TPD52L2: variants seen among roughly 807,000 people sequenced by gnomAD.
The protein encoded by TPD52L2 is tumor protein D54.
In TPD52L2, 19 loss-of-function variants were observed where a neutral mutation model predicts 24.7. That is an observed-to-expected ratio of 0.77 (90% CI 0.54 to 1.13). TPD52L2 has a LOEUF of 1.13. TPD52L2 is among the 50% of genes most tolerant of loss of function. TPD52L2 has a pLI of 0.00. For missense variants in TPD52L2, 236 were observed against 250.4 expected (o/e 0.94, Z 0.39); for synonymous variants, 104 against 100.2 (o/e 1.04, Z -0.23).
In TPD52L2 at chr20:63,870,959, ACCCACCTTGGCCT is replaced by A. The variant is rs1047825160; in HGVS notation, c.165+1523_165+1535del. Among the ~76,000 whole-genome samples the A allele has an allele frequency of 1.1e-4, 16 of 150,324 alleles. No individual in the cohort carries two copies. The East Asian group carries it at 2.9e-3, about 28-fold the overall frequency. On this transcript the variant is annotated intron_variant, in intron 2 of 6. Coordinates refer to ENST00000346249, the MANE Select transcript of TPD52L2 (RefSeq NM_003288.4). ...TCTCAAACTCCTGATCTTGTGATCCACCCACCTTGGCCTCCCAGAGTGCTGGGATTACAGGTGT... is the reference window on the plus strand; with the variant it reads ...TCTCAAACTCCTGATCTTGTGATCCACCCAGAGTGCTGGGATTACAGGTGT...
In TPD52L2 at chr20:63,882,448, C is replaced by T. The variant is rs942209237; in HGVS notation, c.375-271C>T. Reference sequence around the variant, plus strand: ...ATTGGGTTGTGAGATGAGAAAGCAGCGTCATTGCAGGGCTGGGGGGCCGAG... The same window carrying T: ...ATTGGGTTGTGAGATGAGAAAGCAGTGTCATTGCAGGGCTGGGGGGCCGAG... On this transcript the variant is annotated intron_variant, in intron 4 of 6. Transcript: ENST00000346249. Among the ~76,000 whole-genome samples the T allele has an allele frequency of 3.3e-5, 5 of 152,216 alleles. No individual in the cohort carries two copies. The East Asian group carries it at 7.7e-4, about 23-fold the overall frequency.
intron 6 of TPD52L2, 22 bp from the exon 7 acceptor site, chr20:63,889,828 C>G: frequency 2.5e-6 from 4 of 1,609,170 alleles, no homozygotes; most frequent in Non-Finnish European, 3.4e-6. Flanking sequence ...GTTTTTCTGT[C>G]TTCATCTTTT....
chr20:63,872,270 G>C (rs1015905401), intron 2 of TPD52L2, among the ~76,000 whole-genome samples: 2 of 152,064 alleles, frequency 1.3e-5, no homozygotes, highest in African/African-American at 4.8e-5. Flanking sequence ...CCTCCTCTCT[G>C]CATATGGAAT....
In TPD52L2 at chr20:63,869,360, C is replaced by T. The variant is rs2052377146; in HGVS notation, c.84C>T (p.Asp28=). 2 of 1,614,108 alleles carry T rather than the reference C, an allele frequency of 1.2e-6. No homozygotes were observed. Among genetic ancestry groups the T allele is most frequent in the African/African-American group, 1.3e-5 (1 of 74,938 alleles). Residue 28 remains aspartate (D), a synonymous_variant, in exon 2 of 7, where the codon GAC becomes GAT. Transcript: ENST00000346249. The stretch of plus-strand genomic sequence containing the variant: ...ACTCCATGACGGATGTTCCTGTCGA[C>T]ACAGGTGTGGCTGCCCGGACTCCTG... ...LSDSMTDVPV[D]TGVAARTPAV...
rs1467738441 is a variant in TPD52L2, at chr20:63,891,300, A to AGTGTCCTCTGACAGCC, written c.*1362_*1377dup. The AGTGTCCTCTGACAGCC allele has an allele frequency of 1.3e-5, 2 of 152,616 alleles. No individual in the cohort carries two copies. The highest frequency in any genetic ancestry group is 2.9e-5 in the Non-Finnish European group (2 of 68,102). 9.5% of individuals were successfully genotyped at this position (152,616 alleles called of 1,614,324 possible). On this transcript the variant is annotated 3_prime_UTR_variant, in exon 7 of 7. Transcript: ENST00000346249. This position sits in a 1 kb window ranked among gnomAD's most constrained non-coding sequence, Gnocchi z 4.7. ...TCAAGGTGTCCTGTTCGGTAGAGCA[A>AGTGTCCTCTGACAGCC]GTGTCCTCTGACAGCCGTGTCCCCG...
At chr20:63,886,647 C>CCTTTTTTTT (rs1303570534) in intron 5 of TPD52L2, among the ~76,000 whole-genome samples, 1 of 150,882 alleles carries the variant, frequency 6.6e-6, no homozygotes, top group East Asian at 2.0e-4. Context: ...CCGCGCCCGG[C>CCTTTTTTTT]CTTTTTTTTC....
At chr20:63,871,547 A>G (rs903616583) in intron 2 of TPD52L2, among the ~76,000 whole-genome samples, 18 of 150,504 alleles carry the variant, frequency 1.2e-4, no homozygotes, top group African/African-American at 3.9e-4. Flanking sequence ...ACGGAGTTTC[A>G]CCACGTTGGC....
At position 63,882,812 on chromosome 20, in the gene TPD52L2, A is replaced by G. The variant is rs1367603028; in HGVS notation, c.468A>G (p.Gly156=). Reference sequence around the variant, plus strand: ...GCTCTGCCATCAGCAGGAAGCTTGGAGACATGAGGTGAGACGCAACCCTGA... The same window carrying G: ...GCTCTGCCATCAGCAGGAAGCTTGGGGACATGAGGTGAGACGCAACCCTGA... ...TVGSAISRKL[G]DMRNSATFKS... Residue 156 remains glycine (G), a synonymous_variant, in exon 5 of 7, where the codon GGA becomes GGG. Coordinates refer to ENST00000346249, the MANE Select transcript of TPD52L2 (RefSeq NM_003288.4). 2.5e-6 allele frequency: 4 copies of G among 1,611,966 alleles called. No individual in the cohort carries two copies. The highest frequency in any genetic ancestry group is 3.4e-6 in the Non-Finnish European group (4 of 1,178,870).
At chr20:63,876,827 C>T (rs1171406125) in intron 4 of TPD52L2, 2 of 455,442 alleles carry the variant, frequency 4.4e-6, no homozygotes, top group Non-Finnish European at 8.8e-6. Flanking sequence ...ATTCCAGGGA[C>T]CCGGGTGGTT....
At position 63,866,758 on chromosome 20, in the gene TPD52L2, C is replaced by CTT. The variant is rs773870171; in HGVS notation, c.19+1391_19+1392dup. ...ACAGGCGTGAGCCACCGCGCCTGGC[C>CTT]TTTTTTTTTTTTTTTTTTAATTTTT... On this transcript the variant is annotated intron_variant, in intron 1 of 6. Transcript: ENST00000346249. 9.9e-4 allele frequency among the ~76,000 whole-genome samples: 123 copies of CTT among 124,488 alleles called. 1 individual carries two copies. The highest frequency in any genetic ancestry group is 3.4e-3 in the African/African-American group (114 of 33,892). The allele number at this position is 124,488 out of a possible 152,430, so 81.7% of individuals were successfully genotyped here.
At chr20:63,866,788 T>G (rs1207390875) in intron 1 of TPD52L2, among the ~76,000 whole-genome samples, 29 of 149,460 alleles carry the variant, frequency 1.9e-4, no homozygotes, top group South Asian at 6.4e-4. Context: ...ATTTTTTTTT[T>G]GGGGACAGCG....
intron 5 of TPD52L2, chr20:63,888,100 C>G (rs1239669176): frequency 6.0e-6 from 1 of 167,278 alleles, no homozygotes; most frequent in Non-Finnish European, 1.3e-5. Context: ...ACTGTGGTCC[C>G]TATTCTGTGC....
At position 63,869,434 on chromosome 20, in the gene TPD52L2, T is replaced by C. The variant is rs532621508; in HGVS notation, c.158T>C (p.Leu53Pro). Residue 53 changes from leucine (L) to proline (P), a missense_variant, in exon 2 of 7, where the codon CTT (leucine) becomes CCT (proline). Coordinates refer to ENST00000346249, the MANE Select transcript of TPD52L2 (RefSeq NM_003288.4). ...GAGGAGGAGGAGCTCAGGGCTGAGC[T>C]TACCAAGGTGCTGTGGCTTGGCTGT... Reference protein sequence around the residue: ...EAEEEELRAELTKVEEEIVTL... With the variant: ...EAEEEELRAEPTKVEEEIVTL... 6.2e-7 allele frequency: 1 copy of C among 1,614,074 alleles called. No individual in the cohort carries two copies. The highest frequency in any genetic ancestry group is 1.3e-5 in the African/African-American group (1 of 75,030).
chr20:63,872,180 G>T (rs775773007), intron 2 of TPD52L2, among the ~76,000 whole-genome samples: 3 of 151,808 alleles, frequency 2.0e-5, no homozygotes, highest in Non-Finnish European at 2.9e-5. Context: ...CTCTTGCCAA[G>T]GTTTGGAACT....
At chr20:63,887,495 T>G in intron 5 of TPD52L2, 2 of 1,532,000 alleles carry the variant, frequency 1.3e-6, no homozygotes, top group African/African-American at 1.4e-5. Context: ...CCCTGCCAAG[T>G]TGGGGTTGTG....
chr20:63,876,576 A>C (rs1402945569), intron 4 of TPD52L2: 3 of 357,280 alleles, frequency 8.4e-6, no homozygotes, highest in Non-Finnish European at 5.6e-6. Context: ...AATATTTTTA[A>C]ATAGTCTCTG....
intron 3 of TPD52L2, 118 bp from the exon 4 acceptor site, chr20:63,875,698 G>T (rs1035280567): frequency 4.2e-5 from 43 of 1,030,160 alleles, no homozygotes; most frequent in Admixed American, 6.0e-5. Flanking sequence ...GGCCGTCTGT[G>T]GAGTTGATGT....
rs904939390 is a variant in TPD52L2 at position 63,870,600 on chromosome 20, T to G, written c.165+1159T>G. On this transcript the variant is annotated intron_variant, in intron 2 of 6. Coordinates refer to ENST00000346249, the MANE Select transcript of TPD52L2 (RefSeq NM_003288.4). ...GTGCAGTGGCGCAATCTCGGCTCAC[T>G]GCAACCTCCAACACCCGGGTTCACG... Among the ~76,000 whole-genome samples the G allele has an allele frequency of 2.8e-5, 4 of 142,144 alleles. No homozygotes were observed. In the South Asian group the frequency reaches 1.0e-3, roughly 35 times the overall value. 93.3% of individuals were successfully genotyped at this position (142,144 alleles called of 152,430 possible).
Position 63,875,871 on chromosome 20 carries a change from G to C in TPD52L2, c.370G>C (p.Asp124His). 1 of 1,614,166 alleles carries C rather than the reference G, an allele frequency of 6.2e-7. No individual in the cohort carries two copies. The highest frequency in any genetic ancestry group is 8.5e-7 in the Non-Finnish European group (1 of 1,180,020). ...GEWNEKVTQSDLYKKTQETLS... is the reference protein window; with the variant it reads ...GEWNEKVTQSHLYKKTQETLS... ...GTGGAATGAGAAAGTGACCCAGTCA[G>C]ACCTGTGAGTGCCTGTATCATCAGC... is the stretch of plus-strand genomic sequence containing the variant. The change falls in exon 4 of 7, where the codon GAC becomes CAC. Residue 124 changes from aspartate (D) to histidine (H), a missense_variant. Transcript: ENST00000346249.
Sources: gnomAD v4.1 joint callset for allele counts (sites outside exome capture counted in the v4.1 genomes callset) on GRCh38, gnomAD v4.1.1 for gene constraint, Gnocchi (gnomAD v3.1) non-coding constraint, MANE v1.5 for transcripts, NCBI Gene and HGNC (gene_info 2026-07-23, HGNC 2026-07-21) for gene names.